The following SUSD5 variants were observed in gnomAD, a reference collection of about 807,000 sequenced individuals.
SUSD5 encodes sushi domain containing 5.
SUSD5 carries 33 observed loss-of-function variants against 29.5 expected under a neutral mutation model. That is an observed-to-expected ratio of 1.12 (90% confidence interval 0.85 to 1.49). SUSD5 has a LOEUF of 1.49. SUSD5 is among the 40% of genes most tolerant of loss of function. The pLI is 0.00. For synonymous variants in SUSD5, 308 were observed against 325.3 expected (o/e 0.95, Z 0.57); for missense variants, 776 against 800.6 (o/e 0.97, Z 0.37).
At chr3:33,175,118 A>G (rs375586158) in intron 3 of SUSD5, 44 bp from the exon 4 acceptor site, 21 of 1,600,856 alleles carry the variant, frequency 1.3e-5, no homozygotes, top group Non-Finnish European at 1.7e-5. Context: ...ACTGTGCGGA[A>G]CTTTTTCAGC....
chr3:33,162,886 C>T (rs1167819170), intron 4 of SUSD5, among the ~76,000 whole-genome samples: 4 of 144,654 alleles, frequency 2.8e-5, no homozygotes, highest in Non-Finnish European at 6.0e-5. Flanking sequence ...CATTGCACTC[C>T]AGCCTGGGCA....
At chr3:33,213,539 C>T (rs1369473363) in intron 2 of SUSD5, among the ~76,000 whole-genome samples, 13 of 152,088 alleles carry the variant, frequency 8.5e-5, no homozygotes, top group Admixed American at 2.6e-4. Flanking sequence ...TCTGGGAGGC[C>T]GAGGCAGGTA....
At chr3:33,168,504 G>A (rs751034376) in intron 4 of SUSD5, 63 of 985,082 alleles carry the variant, frequency 6.4e-5, no homozygotes, top group Admixed American at 1.2e-4. Context: ...AATGAGAAAA[G>A]AGCAAAGGAA....
chr3:33,186,792 G>A (rs937399726), intron 3 of SUSD5, among the ~76,000 whole-genome samples: 1 of 152,134 alleles, frequency 6.6e-6, no homozygotes, highest in African/African-American at 2.4e-5. Context: ...GAATGAAGAA[G>A]TGTGTGGCTG....
chr3:33,199,920 G>A (rs1296705326), intron 3 of SUSD5, among the ~76,000 whole-genome samples: 1 of 152,192 alleles, frequency 6.6e-6, no homozygotes, highest in Admixed American at 6.5e-5. Context: ...TTATAAAAGG[G>A]TGAGTTCGGT....
chr3:33,216,450 T>A (rs2032429155), intron 1 of SUSD5, among the ~76,000 whole-genome samples: 1 of 152,162 alleles, frequency 6.6e-6, no homozygotes, highest in Non-Finnish European at 1.5e-5. Flanking sequence ...GGAGCAACTT[T>A]ACAATTTGGT....
intron 3 of SUSD5, among the ~76,000 whole-genome samples, chr3:33,186,259 G>A (rs994760534): frequency 4.6e-5 from 7 of 151,446 alleles, no homozygotes; most frequent in South Asian, 2.1e-4. Context: ...CCGAGATTGC[G>A]CCACTGCACT....
At chr3:33,184,013 C>G (rs2031730918) in intron 3 of SUSD5, among the ~76,000 whole-genome samples, 1 of 136,170 alleles carries the variant, frequency 7.3e-6, no homozygotes, top group Admixed American at 8.4e-5. Context: ...TCTCAGTTCA[C>G]TGCAACCTCC....
intron 2 of SUSD5, among the ~76,000 whole-genome samples, 182 bp from the exon 3 acceptor site, chr3:33,208,108 G>A (rs372595287): frequency 6.6e-6 from 1 of 152,168 alleles, no homozygotes. Context: ...AAATACAGGT[G>A]ATGCTTCAGT....
chr3:33,188,885 G>T (rs192724831), intron 3 of SUSD5, among the ~76,000 whole-genome samples: 3 of 152,210 alleles, frequency 2.0e-5, no homozygotes. Flanking sequence ...ATACCTTAAT[G>T]AACTAAGTTA....
At chr3:33,165,519 A>G (rs1320395512) in intron 4 of SUSD5, among the ~76,000 whole-genome samples, 1 of 152,236 alleles carries the variant, frequency 6.6e-6, no homozygotes, top group African/African-American at 2.4e-5. Context: ...CTTACTCTTA[A>G]GTAAAAATAT....
In SUSD5 at chr3:33,151,629, G is replaced by A. The variant is rs920452850; in HGVS notation, c.*1113C>T. ...CCTGAGAGAGGAAACCAAGGACTGA[G>A]TTTTGTTAGTCCTGGCAAAAATTCC... On this transcript the variant is annotated 3_prime_UTR_variant, in exon 5 of 5. Transcript: ENST00000309558. 6.6e-6 allele frequency: 1 copy of A among 152,078 alleles called. No individual in the cohort carries two copies. Among genetic ancestry groups the A allele is most frequent in the African/African-American group, 2.4e-5 (1 of 41,388 alleles). The allele number at this position is 152,078 out of a possible 1,614,324, so 9.4% of individuals were successfully genotyped here. A position where few individuals can be genotyped will look rare whatever the true frequency, so the allele number is the denominator to read the frequency against.
At chr3:33,171,418 CCTTT>C (rs1274851242) in intron 4 of SUSD5, among the ~76,000 whole-genome samples, 1 of 151,986 alleles carries the variant, frequency 6.6e-6, no homozygotes, top group Non-Finnish European at 1.5e-5. Context: ...TTCTTCTCAT[CCTTT>C]CTGTCATTGT....
At chr3:33,170,876 T>C (rs1270669256) in intron 4 of SUSD5, among the ~76,000 whole-genome samples, 1 of 152,200 alleles carries the variant, frequency 6.6e-6, no homozygotes, top group African/African-American at 2.4e-5. Flanking sequence ...CAAATCCCTT[T>C]AGATACCTTA....
chr3:33,193,164 G>A (rs1453787549), intron 3 of SUSD5, among the ~76,000 whole-genome samples: 1 of 152,204 alleles, frequency 6.6e-6, no homozygotes, highest in Non-Finnish European at 1.5e-5. Flanking sequence ...CATAAGCCAG[G>A]TAAAAAGTCT....
intron 4 of SUSD5, among the ~76,000 whole-genome samples, chr3:33,157,304 A>C (rs574178492): frequency 6.6e-6 from 1 of 152,294 alleles, no homozygotes; most frequent in Admixed American, 6.5e-5. Flanking sequence ...TGTGTGCATA[A>C]ATTTTCACCC....
chr3:33,201,374 G>A (rs1280599937), intron 3 of SUSD5, among the ~76,000 whole-genome samples: 1 of 152,224 alleles, frequency 6.6e-6, no homozygotes, highest in Non-Finnish European at 1.5e-5. Flanking sequence ...GAGTGCAGCC[G>A]CAGCTCTTCT....
intron 2 of SUSD5, among the ~76,000 whole-genome samples, chr3:33,211,344 G>T (rs773889328): frequency 6.6e-6 from 1 of 152,102 alleles, no homozygotes; most frequent in African/African-American, 2.4e-5. Flanking sequence ...AGTTGCAAGC[G>T]GTCTCTTCAG....
At chr3:33,209,092 C>T (rs925270748) in intron 2 of SUSD5, among the ~76,000 whole-genome samples, 1 of 152,160 alleles carries the variant, frequency 6.6e-6, no homozygotes, top group Non-Finnish European at 1.5e-5. Flanking sequence ...GGATAAAATT[C>T]TAGGTTAGCA....
Sources: gnomAD v4.1 joint callset for allele counts (sites outside exome capture counted in the v4.1 genomes callset) on GRCh38, gnomAD v4.1.1 for gene constraint, MANE v1.5 for transcripts, NCBI Gene and HGNC (gene_info 2026-07-23, HGNC 2026-07-21) for gene names.